ADAD1: variants seen among roughly 807,000 people sequenced by gnomAD.
The protein encoded by ADAD1 is adenosine deaminase domain containing 1.
A neutral mutation model predicts 66.8 loss-of-function variants in ADAD1; 46 were observed. The ratio of observed to expected loss-of-function variants is 0.69; its 90% confidence interval spans 0.54 to 0.88. The LOEUF (loss-of-function observed/expected upper bound fraction) is 0.88, where lower values mean the gene tolerates loss of function less well. Among genes scored for constraint, ADAD1 ranks in the 40% least tolerant of loss-of-function variants. The pLI is 0.00. For synonymous variants in ADAD1, 248 were observed against 229.4 expected, an observed-to-expected ratio of 1.08 and a Z score of -0.73; for missense variants, 617 against 681.8, an observed-to-expected ratio of 0.91 and a Z score of 1.06.
At chr4:122,418,372 C>G (rs368698505) in intron 11 of ADAD1, among the ~76,000 whole-genome samples, 1 of 143,600 alleles carries the variant, frequency 7.0e-6, no homozygotes, top group Non-Finnish European at 1.5e-5. Context: ...TGCAGTGGCG[C>G]GATATCGGCT....
chr4:122,429,580 C>A, intron 12 of ADAD1, 46 bp from the exon 13 acceptor site: 2 of 1,301,986 alleles, frequency 1.5e-6, no homozygotes, highest in East Asian at 2.3e-5. Flanking sequence ...TTTCAGCAAT[C>A]AAATGCTGCC....
intron 12 of ADAD1, among the ~76,000 whole-genome samples, chr4:122,422,977 A>AAAAAGAAG (rs983338264): frequency 1.3e-5 from 2 of 149,116 alleles, no homozygotes; most frequent in African/African-American, 5.0e-5. Flanking sequence ...AAAAAAAAAA[A>AAAAAGAAG]AAGAAGAAGA....
In ADAD1 at chr4:122,381,025, T is replaced by G; in HGVS notation, c.206T>G (p.Leu69Arg). 1 of 1,598,422 alleles carries G rather than the reference T, an allele frequency of 6.3e-7. No individual in the cohort carries two copies. Among genetic ancestry groups the G allele is most frequent in the Non-Finnish European group, 8.5e-7 (1 of 1,176,788 alleles). ...CCAGAGCCGTTGCTTTCCAAGAATC[T>G]TTCATCTATTTCAAATCCTGTCCTT... is the stretch of plus-strand genomic sequence containing the variant. The part of the protein sequence containing the change: ...NFPEPLLSKN[L>R]SSISNPVLPP... The change falls in exon 4 of 13, where the codon CTT becomes CGT. Residue 69 changes from leucine (L) to arginine (R), a missense_variant. By Grantham distance (102) the Leu-to-Arg change is moderately radical (BLOSUM62 -2). Transcript: ENST00000296513.
At chr4:122,395,869 A>G (rs1055542129) in intron 6 of ADAD1, among the ~76,000 whole-genome samples, 2 of 152,152 alleles carry the variant, frequency 1.3e-5, no homozygotes, top group Admixed American at 6.5e-5. Context: ...AAGAGAATGT[A>G]TTTTGGTTGT....
At chr4:122,428,726 T>C (rs1168205442) in intron 12 of ADAD1, among the ~76,000 whole-genome samples, 2 of 152,176 alleles carry the variant, frequency 1.3e-5, no homozygotes, top group African/African-American at 2.4e-5. Flanking sequence ...AGTAGATTCA[T>C]GGTTGTCTGG....
intron 4 of ADAD1, among the ~76,000 whole-genome samples, chr4:122,381,417 A>G (rs765451249): frequency 6.6e-6 from 1 of 152,194 alleles, no homozygotes; most frequent in African/African-American, 2.4e-5. Flanking sequence ...CGCTAGCTGA[A>G]TGGAAATTAG....
In ADAD1 at chr4:122,406,583, C is replaced by T. The variant is rs73846646; in HGVS notation, c.725-1325C>T. On this transcript the variant is annotated intron_variant, in intron 7 of 12. Coordinates refer to ENST00000296513, the MANE Select transcript of ADAD1 (RefSeq NM_139243.4). ...ATGTAACCCAAGATGGTTTTTACTT[C>T]AGTAGCTTCCCCATAGCTCTTTGGT... Among the ~76,000 whole-genome samples, 829 of 152,208 alleles carry T rather than the reference C, an allele frequency of 5.4e-3. 10 individuals are homozygous for T. The highest frequency in any genetic ancestry group is 0.019 in the African/African-American group (781 of 41,542).
intron 8 of ADAD1, among the ~76,000 whole-genome samples, chr4:122,408,237 G>A (rs1374563841): frequency 6.6e-6 from 1 of 152,126 alleles, no homozygotes; most frequent in African/African-American, 2.4e-5. Flanking sequence ...GTGGATTTTA[G>A]TGGCTTCTAT....
At chr4:122,393,807 T>C (rs1795568966) in intron 6 of ADAD1, 150 bp downstream of exon 6, 1 of 541,734 alleles carries the variant, frequency 1.8e-6, no homozygotes, top group Non-Finnish European at 2.9e-6. Context: ...AGAATTTTTT[T>C]CTATACTATG....
At chr4:122,391,529 G>A (rs1580748982) in intron 5 of ADAD1, among the ~76,000 whole-genome samples, 1 of 152,188 alleles carries the variant, frequency 6.6e-6, no homozygotes, top group African/African-American at 2.4e-5. Flanking sequence ...CAGGCCCAGG[G>A]AGATCCAAAT....
Position 122,393,302 on chromosome 4 carries a change from CTAAAA to C in ADAD1, c.530-284_530-280del. 2.0e-5 allele frequency among the ~76,000 whole-genome samples: 3 copies of C among 152,060 alleles called. No homozygotes were observed. The Middle Eastern group carries it at 0.01, about 517-fold the overall frequency. On this transcript the variant is annotated intron_variant, in intron 5 of 12. Coordinates refer to ENST00000296513, the MANE Select transcript of ADAD1 (RefSeq NM_139243.4). ...TAAATAGAAAGTTGTTTATATGTATCTAAAATAGGATTTCATTTTAGCAGCTTTTC... is the reference window on the plus strand; with the variant it reads ...TAAATAGAAAGTTGTTTATATGTATCTAGGATTTCATTTTAGCAGCTTTTC...
chr4:122,415,727 AATT>A (rs1221800191), intron 11 of ADAD1, 111 bp downstream of exon 11: 3 of 943,358 alleles, frequency 3.2e-6, no homozygotes, highest in Non-Finnish European at 4.8e-6. Context: ...TCTGAACAAT[AATT>A]ATTATCATTA....
intron 5 of ADAD1, among the ~76,000 whole-genome samples, chr4:122,390,158 T>C (rs1409054757): frequency 1.3e-5 from 2 of 152,226 alleles, no homozygotes; most frequent in Non-Finnish European, 2.9e-5. Context: ...TTGATAGTTC[T>C]TTTGTTTAAG....
chr4:122,391,019 C>T (rs1198311377), intron 5 of ADAD1, among the ~76,000 whole-genome samples: 1 of 152,188 alleles, frequency 6.6e-6, no homozygotes, highest in Non-Finnish European at 1.5e-5. Flanking sequence ...TTTGAGCCTG[C>T]TGACCCTTGG....
intron 5 of ADAD1, among the ~76,000 whole-genome samples, chr4:122,387,641 T>G (rs1015025574): frequency 6.6e-6 from 1 of 152,212 alleles, no homozygotes; most frequent in African/African-American, 2.4e-5. Context: ...AAGGGAATGC[T>G]TCCAGCTTTT....
At chr4:122,421,001 T>G (rs1477930087) in intron 11 of ADAD1, among the ~76,000 whole-genome samples, 3 of 152,200 alleles carry the variant, frequency 2.0e-5, no homozygotes, top group Admixed American at 6.5e-5. Context: ...AGGTTAATTT[T>G]GCTTCATACA....
rs1386501903 is a variant in ADAD1, at chr4:122,383,935, T to C, written c.498T>C (p.Asp166=). 2 of 1,609,522 alleles carry C rather than the reference T, an allele frequency of 1.2e-6. No individual in the cohort carries two copies. Among genetic ancestry groups the C allele is most frequent in the Non-Finnish European group, 1.7e-6 (2 of 1,178,840 alleles). Residue 166 remains aspartate, a synonymous_variant, in exon 5 of 13, where the codon GAT becomes GAC. Transcript: ENST00000296513. ...KLALDELLQL[D]EPEPRILETS... ...CTCTTGATGAGCTTCTACAACTGGATGAACCTGAACCACGAATTTTAGAAA... is the reference window on the plus strand; with the variant it reads ...CTCTTGATGAGCTTCTACAACTGGACGAACCTGAACCACGAATTTTAGAAA...
At chr4:122,413,553 C>G (rs1041017822) in intron 10 of ADAD1, among the ~76,000 whole-genome samples, 2 of 151,934 alleles carry the variant, frequency 1.3e-5, no homozygotes, top group Admixed American at 1.3e-4. Flanking sequence ...TTAAGTACTT[C>G]AAAAATGTTT....
chr4:122,393,220 T>C (rs968427408), intron 5 of ADAD1, among the ~76,000 whole-genome samples: 9 of 152,108 alleles, frequency 5.9e-5, no homozygotes, highest in Non-Finnish European at 1.0e-4. Context: ...TAAAATGATA[T>C]ATTTTACTCA....
Sources: gnomAD v4.1 joint callset for allele counts (sites outside exome capture counted in the v4.1 genomes callset) on GRCh38, gnomAD v4.1.1 for gene constraint, MANE v1.5 for transcripts, NCBI Gene and HGNC (gene_info 2026-07-23, HGNC 2026-07-21) for gene names.